KCNQ5: variants seen among roughly 807,000 people sequenced by gnomAD.
The protein encoded by KCNQ5 is potassium voltage-gated channel subfamily Q member 5, also known as potassium voltage-gated channel subfamily KQT member 5.
KCNQ5 carries 30 observed loss-of-function variants against 98.2 expected under a neutral mutation model. The observed-to-expected ratio is 0.31, with a 90% CI of 0.23 to 0.41. The LOEUF (loss-of-function observed/expected upper bound fraction) is 0.41. Among genes scored for constraint, KCNQ5 ranks in the 10% least tolerant of loss-of-function variants. KCNQ5 has a pLI of 1.00. For missense variants in KCNQ5, 835 were observed against 1,182.5 expected (o/e 0.71, Z 4.31); for synonymous variants, 458 against 449.4 (o/e 1.02, Z -0.24).
chr6:72,869,558 C>T (rs568791881), intron 1 of KCNQ5, among the ~76,000 whole-genome samples: 3 of 152,190 alleles, frequency 2.0e-5, no homozygotes, highest in Non-Finnish European at 2.9e-5. Flanking sequence ...TAGGCTTCCT[C>T]GCTCATCTTT....
intron 1 of KCNQ5, among the ~76,000 whole-genome samples, chr6:72,670,053 CGTTTAATACTCTGCTGAGTGTCCA>C (rs1767023841): frequency 6.6e-6 from 1 of 152,018 alleles, no homozygotes; most frequent in Non-Finnish European, 1.5e-5. Context: ...CAAAGCTACA[CGTTTAATACTCTGCTGAGTGTCCA>C]GTTTTATTGC....
At chr6:72,890,959 G>A (rs1404401203) in intron 1 of KCNQ5, among the ~76,000 whole-genome samples, 2 of 152,222 alleles carry the variant, frequency 1.3e-5, no homozygotes, top group African/African-American at 4.8e-5. Context: ...GTCCACTGTT[G>A]TGGAAGAATT....
At position 72,631,953 on chromosome 6, in the gene KCNQ5, T is replaced by G. The variant is rs540679720; in HGVS notation, c.398+9366T>G. Reference sequence around the variant, plus strand: ...GTAATATTAGTGTTATCATCTTCCTTTCAGCAAACCAGAATACCAAAGTAG... The same window carrying G: ...GTAATATTAGTGTTATCATCTTCCTGTCAGCAAACCAGAATACCAAAGTAG... On this transcript the variant is annotated intron_variant, in intron 1 of 13. Transcript: ENST00000370398. 2.2e-4 allele frequency among the ~76,000 whole-genome samples: 34 copies of G among 152,294 alleles called. 1 individual carries two copies. In the South Asian group the frequency reaches 7.0e-3, roughly 32 times the overall value.
intron 10 of KCNQ5, among the ~76,000 whole-genome samples, chr6:73,138,840 CA>C (rs1776587570): frequency 6.6e-6 from 1 of 152,210 alleles, no homozygotes; most frequent in Non-Finnish European, 1.5e-5. Flanking sequence ...TTGTTCCAGG[CA>C]CTGATGGTAA....
intron 1 of KCNQ5, among the ~76,000 whole-genome samples, chr6:72,645,654 G>A (rs996680566): frequency 1.3e-5 from 2 of 152,034 alleles, no homozygotes; most frequent in East Asian, 3.9e-4. Context: ...TCTGGGTTTG[G>A]TCCTCACTGG....
At chr6:72,677,537 A>T (rs956737922) in intron 1 of KCNQ5, among the ~76,000 whole-genome samples, 1 of 152,212 alleles carries the variant, frequency 6.6e-6, no homozygotes, top group South Asian at 2.1e-4. Context: ...CATTTTACTC[A>T]TGCTTGCCTT....
At chr6:72,804,081 T>G (rs1774817673) in intron 1 of KCNQ5, among the ~76,000 whole-genome samples, 3 of 152,226 alleles carry the variant, frequency 2.0e-5, no homozygotes, top group Non-Finnish European at 2.9e-5. Flanking sequence ...ATGTTAAATT[T>G]TTGTGAGTAC....
In KCNQ5 at chr6:72,750,885, C is replaced by T. The variant is rs997068222; in HGVS notation, c.398+128298C>T. The stretch of plus-strand genomic sequence containing the variant: ...TTTTTATTGCTCAAGCCTTCCACTT[C>T]CATTCCTTTGACATACTTAATGAGT... On this transcript the variant is annotated intron_variant, in intron 1 of 13. Coordinates refer to ENST00000370398, the MANE Select transcript of KCNQ5 (RefSeq NM_019842.4). Among the ~76,000 whole-genome samples the T allele has an allele frequency of 3.3e-5, 5 of 152,024 alleles. No individual in the cohort carries two copies. In the South Asian group the frequency reaches 1.0e-3, roughly 31 times the overall value.
chr6:72,945,041 C>T (rs529474686), intron 1 of KCNQ5, among the ~76,000 whole-genome samples: 4 of 152,198 alleles, frequency 2.6e-5, no homozygotes, highest in Admixed American at 6.5e-5. Flanking sequence ...CTGCTACTAT[C>T]GATATCTCAT....
intron 1 of KCNQ5, among the ~76,000 whole-genome samples, chr6:72,858,833 T>A (rs1425250858): frequency 6.6e-6 from 1 of 152,086 alleles, no homozygotes; most frequent in African/African-American, 2.4e-5. Context: ...CAAAAGAGCA[T>A]AAAAACTGGT....
At chr6:72,803,462 G>A (rs944296661) in intron 1 of KCNQ5, among the ~76,000 whole-genome samples, 1 of 152,068 alleles carries the variant, frequency 6.6e-6, no homozygotes, top group African/African-American at 2.4e-5. Flanking sequence ...ATGCTTAATG[G>A]TTTTCATTTC....
intron 1 of KCNQ5, among the ~76,000 whole-genome samples, chr6:72,910,067 T>G (rs1779866340): frequency 6.6e-6 from 1 of 152,212 alleles, no homozygotes; most frequent in African/African-American, 2.4e-5. Flanking sequence ...CTTTATCAAA[T>G]GCAACTCAGT....
At chr6:72,751,898 A>G (rs912802706) in intron 1 of KCNQ5, among the ~76,000 whole-genome samples, 2 of 152,150 alleles carry the variant, frequency 1.3e-5, no homozygotes, top group African/African-American at 4.8e-5. Context: ...AGTGATTTTT[A>G]AAGATAGGAA....
At chr6:72,728,336 A>G (rs1297109574) in intron 1 of KCNQ5, among the ~76,000 whole-genome samples, 1 of 152,140 alleles carries the variant, frequency 6.6e-6, no homozygotes, top group Non-Finnish European at 1.5e-5. Flanking sequence ...AAATTCCAGG[A>G]TCTTATTATT....
intron 1 of KCNQ5, among the ~76,000 whole-genome samples, chr6:72,775,250 T>C (rs1011991223): frequency 1.3e-5 from 2 of 152,138 alleles, no homozygotes; most frequent in African/African-American, 4.8e-5. Context: ...GAATGTCACC[T>C]TACCTCCACC....
chr6:72,676,822 A>T (rs1376738866), intron 1 of KCNQ5, among the ~76,000 whole-genome samples: 1 of 150,182 alleles, frequency 6.7e-6, no homozygotes, highest in Non-Finnish European at 1.5e-5. Context: ...CCTTCAAAAA[A>T]GGCTGCTGTA....
At chr6:73,192,544 G>T (rs748482983) in intron 12 of KCNQ5, 21 bp from the exon 13 acceptor site, 41 of 1,592,214 alleles carry the variant, frequency 2.6e-5, no homozygotes, top group Non-Finnish European at 3.4e-5. Flanking sequence ...CTCATAATCA[G>T]ATCTCCTCTT....
intron 1 of KCNQ5, among the ~76,000 whole-genome samples, chr6:72,714,564 T>C (rs1312833640): frequency 1.3e-5 from 2 of 152,218 alleles, no homozygotes; most frequent in Non-Finnish European, 2.9e-5. Flanking sequence ...ATATAATTCA[T>C]GCTTAATATT....
intron 1 of KCNQ5, among the ~76,000 whole-genome samples, chr6:72,664,595 C>T (rs908579581): frequency 2.6e-5 from 4 of 151,998 alleles, no homozygotes; most frequent in African/African-American, 7.2e-5. Context: ...GCAGAGCTTG[C>T]AATGAGCTGA....
Sources: allele counts gnomAD v4.1 joint callset (sites outside exome capture counted in the v4.1 genomes callset), GRCh38; gene constraint gnomAD v4.1.1; transcripts MANE v1.5; gene names NCBI Gene and HGNC (gene_info 2026-07-23, HGNC 2026-07-21).